Variants in ITPR1 observed in about 807,000 individuals in gnomAD.
ITPR1 encodes the protein inositol 1,4,5-trisphosphate-gated calcium channel ITPR1.
Under a neutral mutation model 318.4 loss-of-function variants are expected in ITPR1, and 96 were observed. The observed-to-expected ratio is 0.30, with a 90% CI of 0.26 to 0.36. The LOEUF (loss-of-function observed/expected upper bound fraction) is 0.36, where lower values mean the gene tolerates loss of function less well. Ranked by LOEUF, ITPR1 falls within the 10% of genes least tolerant of loss-of-function variation. The pLI is 1.00. For missense variants in ITPR1, 2,440 were observed against 3,460.2 expected (o/e 0.71, Z 7.40); for synonymous variants, 1,312 against 1,289.9 (o/e 1.02, Z -0.37).
intron 59 of ITPR1, among the ~76,000 whole-genome samples, 157 bp from the exon 60 acceptor site, chr3:4,817,925 G>C (rs1191572331): frequency 6.6e-6 from 1 of 152,196 alleles, no homozygotes; most frequent in East Asian, 1.9e-4. Flanking sequence ...CTGCCATAAT[G>C]TAAACATGAA....
chr3:4,731,336 G>A (rs982220246), intron 42 of ITPR1, among the ~76,000 whole-genome samples: 2 of 152,140 alleles, frequency 1.3e-5, no homozygotes, highest in Non-Finnish European at 2.9e-5. Context: ...ATCTTGCACC[G>A]AAACTTTCTT....
rs987012542 is a variant in ITPR1, at chr3:4,609,880, C to T, written c.164-17883C>T. 9.2e-5 allele frequency among the ~76,000 whole-genome samples: 14 copies of T among 152,314 alleles called. No homozygotes were observed. In the South Asian group the frequency reaches 2.9e-3, roughly 32 times the overall value. On this transcript the variant is annotated intron_variant, in intron 4 of 61. Transcript: ENST00000649015. ...CGGGGCCAAACCAGCAGTGACAGCT[C>T]TGCTCAGCCTGCCATGTTGCCTTGA...
At chr3:4,823,460 A>G (rs2049854915) in intron 60 of ITPR1, among the ~76,000 whole-genome samples, 1 of 152,172 alleles carries the variant, frequency 6.6e-6, no homozygotes, top group African/African-American at 2.4e-5. Flanking sequence ...ACACAGTGGA[A>G]TACTATTTGG....
intron 42 of ITPR1, among the ~76,000 whole-genome samples, chr3:4,728,926 C>T (rs913741752): frequency 6.6e-6 from 1 of 152,248 alleles, no homozygotes; most frequent in African/African-American, 2.4e-5. Context: ...GTTGGCATTT[C>T]ATCCGAATTC....
At chr3:4,541,683 T>TG (rs1365498784) in intron 4 of ITPR1, among the ~76,000 whole-genome samples, 2 of 152,112 alleles carry the variant, frequency 1.3e-5, no homozygotes, top group African/African-American at 4.8e-5. Flanking sequence ...TGGAGTGCAG[T>TG]GGCGTGATCT....
intron 12 of ITPR1, among the ~76,000 whole-genome samples, chr3:4,655,649 A>C (rs1287331909): frequency 6.6e-6 from 1 of 152,156 alleles, no homozygotes; most frequent in Non-Finnish European, 1.5e-5. Flanking sequence ...GCAGCCGTTG[A>C]GAGTGGTCCA....
At chr3:4,746,128 G>A (rs1049212062) in intron 44 of ITPR1, among the ~76,000 whole-genome samples, 3 of 152,182 alleles carry the variant, frequency 2.0e-5, no homozygotes, top group Middle Eastern at 3.4e-3. Context: ...TGCCAGCATA[G>A]GGCTGCTGAG....
At chr3:4,732,544 T>G (rs1282681618) in intron 42 of ITPR1, among the ~76,000 whole-genome samples, 3 of 152,232 alleles carry the variant, frequency 2.0e-5, no homozygotes, top group Admixed American at 1.3e-4. Flanking sequence ...TCCTATAGCA[T>G]TATGAGGTTT....
At chr3:4,621,758 T>C (rs983719397) in intron 4 of ITPR1, among the ~76,000 whole-genome samples, 10 of 152,212 alleles carry the variant, frequency 6.6e-5, no homozygotes, top group African/African-American at 1.9e-4. Flanking sequence ...CTACTCAATC[T>C]GTCAGTTTTC....
intron 4 of ITPR1, among the ~76,000 whole-genome samples, chr3:4,525,937 T>C (rs1002372536): frequency 2.1e-4 from 32 of 152,216 alleles, no homozygotes; most frequent in African/African-American, 7.2e-4. Flanking sequence ...TCCCAGAATC[T>C]CTGCTCTTTT....
chr3:4,823,429 TA>T (rs2049851928), intron 60 of ITPR1, among the ~76,000 whole-genome samples: 1 of 151,956 alleles, frequency 6.6e-6, no homozygotes, highest in Non-Finnish European at 1.5e-5. Context: ...AATGAATGGA[TA>T]AAGAAAATGT....
At chr3:4,644,293 G>T (rs1013239170) in intron 8 of ITPR1, 59 bp downstream of exon 8, 7 of 1,174,124 alleles carry the variant, frequency 6.0e-6, no homozygotes, top group Non-Finnish European at 8.7e-6. Flanking sequence ...GGTCTGGCAG[G>T]CGCCAGTGCA....
chr3:4,712,366 C>T (rs574988831), intron 39 of ITPR1, among the ~76,000 whole-genome samples: 5 of 152,278 alleles, frequency 3.3e-5, no homozygotes, highest in East Asian at 3.9e-4. Context: ...TGGACAGTCC[C>T]GTGACCTGAT....
At chr3:4,545,135 A>G (rs1459433712) in intron 4 of ITPR1, among the ~76,000 whole-genome samples, 2 of 152,216 alleles carry the variant, frequency 1.3e-5, no homozygotes, top group Non-Finnish European at 2.9e-5. Context: ...GGTAGAATCA[A>G]GAACAATTTG....
At chr3:4,717,448 C>T (rs745340454) in intron 40 of ITPR1, 49 bp downstream of exon 40, 7 of 1,418,064 alleles carry the variant, frequency 4.9e-6, no homozygotes, top group South Asian at 3.4e-5. Flanking sequence ...GTGGTGTTTC[C>T]GTGACACCTT....
At chr3:4,718,415 A>C (rs1263795145) in intron 40 of ITPR1, among the ~76,000 whole-genome samples, 1 of 152,236 alleles carries the variant, frequency 6.6e-6, no homozygotes, top group East Asian at 1.9e-4. Context: ...ATCTACTCTA[A>C]TTAATACACC....
intron 44 of ITPR1, among the ~76,000 whole-genome samples, chr3:4,757,054 AG>A (rs2045054814): frequency 1.3e-5 from 2 of 152,226 alleles, no homozygotes; most frequent in African/African-American, 4.8e-5. Context: ...TAAAGAACCC[AG>A]GGCACAAATG....
chr3:4,582,478 C>T (rs974727286), intron 4 of ITPR1, among the ~76,000 whole-genome samples: 3 of 152,228 alleles, frequency 2.0e-5, no homozygotes, highest in East Asian at 3.9e-4. Flanking sequence ...GCCTGTTCTC[C>T]GGTGTGGGTG....
chr3:4,622,820 A>G (rs2092692050), intron 4 of ITPR1, among the ~76,000 whole-genome samples: 1 of 152,232 alleles, frequency 6.6e-6, no homozygotes, highest in South Asian at 2.1e-4. Context: ...AGCACTGGGG[A>G]TTGTAGCACA....
Sources: gnomAD v4.1 joint callset for allele counts (sites outside exome capture counted in the v4.1 genomes callset) on GRCh38, gnomAD v4.1.1 for gene constraint, MANE v1.5 for transcripts, NCBI Gene and HGNC (gene_info 2026-07-23, HGNC 2026-07-21) for gene names.